Variants in ETV6 observed in about 807,000 individuals in gnomAD.
The protein encoded by ETV6 is ETS variant transcription factor 6.
ETV6 carries 16 observed loss-of-function variants against 51.1 expected under a neutral mutation model. That is an observed-to-expected ratio of 0.31 (90% confidence interval 0.21 to 0.48). The LOEUF (loss-of-function observed/expected upper bound fraction) is 0.48. ETV6 is among the 20% of genes least tolerant of loss of function. The pLI is 0.99. For synonymous variants in ETV6, 240 were observed against 224.1 expected (o/e 1.07, Z -0.64); for missense variants, 458 against 594.8 (o/e 0.77, Z 2.39).
intron 1 of ETV6, among the ~76,000 whole-genome samples, chr12:11,692,316 C>T (rs903332173): frequency 9.2e-5 from 14 of 152,108 alleles, no homozygotes; most frequent in Admixed American, 2.6e-4. Context: ...AAAGCCCTCT[C>T]CAGATGGGGC....
At chr12:11,859,131 T>TCC (rs1946676313) in intron 4 of ETV6, among the ~76,000 whole-genome samples, 1 of 47,200 alleles carries the variant, frequency 2.1e-5, no homozygotes, top group Non-Finnish European at 4.2e-5. Flanking sequence ...TTTTTTTTTT[T>TCC]TTTTTTTTTT....
At chr12:11,747,026 C>G (rs1865921768) in intron 1 of ETV6, among the ~76,000 whole-genome samples, 1 of 152,062 alleles carries the variant, frequency 6.6e-6, no homozygotes, top group African/African-American at 2.4e-5. Context: ...AGAAAGGGCA[C>G]TCCTTAAGAC....
At chr12:11,690,446 C>G (rs1416464347) in intron 1 of ETV6, among the ~76,000 whole-genome samples, 2 of 151,906 alleles carry the variant, frequency 1.3e-5, no homozygotes, top group Non-Finnish European at 2.9e-5. Context: ...TATTTTTATG[C>G]TGGTTGTGAT....
At position 11,728,229 on chromosome 12, in the gene ETV6, G is replaced by A. The variant is rs548395971; in HGVS notation, c.34-24221G>A. On this transcript the variant is annotated intron_variant, in intron 1 of 7. Coordinates refer to ENST00000396373, the MANE Select transcript of ETV6 (RefSeq NM_001987.5). ...AAGCTGGCTGTTTATTCGGCACAGA[G>A]GAGTAAATTACAGGTGGATTATGCA... Among the ~76,000 whole-genome samples, 9 of 152,312 alleles carry A rather than the reference G, an allele frequency of 5.9e-5. 1 individual carries two copies. Among genetic ancestry groups the A allele is most frequent in the African/African-American group, 2.2e-4 (9 of 41,562 alleles).
intron 1 of ETV6, among the ~76,000 whole-genome samples, chr12:11,739,373 C>G (rs563887106): frequency 6.6e-6 from 1 of 152,152 alleles, no homozygotes; most frequent in Non-Finnish European, 1.5e-5. Flanking sequence ...AGGTGCTGCC[C>G]AGGTATCCAA....
intron 2 of ETV6, among the ~76,000 whole-genome samples, chr12:11,770,881 C>T (rs967514443): frequency 1.3e-5 from 2 of 151,294 alleles, no homozygotes; most frequent in African/African-American, 4.9e-5. Flanking sequence ...GCCTGAACAA[C>T]AGAGCAAGAC....
At chr12:11,666,296 C>T (rs1190966183) in intron 1 of ETV6, among the ~76,000 whole-genome samples, 1 of 151,334 alleles carries the variant, frequency 6.6e-6, no homozygotes, top group African/African-American at 2.5e-5. Flanking sequence ...TTGTACAGCC[C>T]ATGTTCTCTC....
chr12:11,894,920 A>G lies in ETV6; in HGVS notation c.*3874A>G, dbSNP rs1378634623. Reference sequence around the variant, plus strand: ...AAAAAGGGGCAGTTTTCTTTGCCCAAGCATTTGGTGCTAGTTAGAGGCTGT... The same window carrying G: ...AAAAAGGGGCAGTTTTCTTTGCCCAGGCATTTGGTGCTAGTTAGAGGCTGT... On this transcript the variant is annotated 3_prime_UTR_variant, in exon 8 of 8. Coordinates refer to ENST00000396373, the MANE Select transcript of ETV6 (RefSeq NM_001987.5). 4.3e-6 allele frequency: 1 copy of G among 233,544 alleles called. No homozygotes were observed. Among genetic ancestry groups the G allele is most frequent in the East Asian group, 6.0e-5 (1 of 16,598 alleles). The allele number at this position is 233,544 out of a possible 1,614,324, so 14.5% of individuals were successfully genotyped here. A position where few individuals can be genotyped will look rare whatever the true frequency, so the allele number is the denominator to read the frequency against.
At chr12:11,865,202 G>A (rs1195951179) in intron 4 of ETV6, among the ~76,000 whole-genome samples, 2 of 141,324 alleles carry the variant, frequency 1.4e-5, no homozygotes, top group East Asian at 4.2e-4. Context: ...AGTGAGCAGA[G>A]ATCACGCCAC....
At chr12:11,683,673 T>C (rs1201827563) in intron 1 of ETV6, among the ~76,000 whole-genome samples, 1 of 152,200 alleles carries the variant, frequency 6.6e-6, no homozygotes, top group Non-Finnish European at 1.5e-5. Flanking sequence ...AGTCTATTTC[T>C]TTCTTTGATT....
chr12:11,809,800 ATAGAGCTTC>A (rs1384441791), intron 2 of ETV6, among the ~76,000 whole-genome samples: 1 of 147,320 alleles, frequency 6.8e-6, no homozygotes, highest in Non-Finnish European at 1.5e-5. Context: ...TGGGGAGGGA[ATAGAGCTTC>A]TGCTTTTTTT....
At chr12:11,885,866 T>G in intron 6 of ETV6, 60 bp from the exon 7 acceptor site, 1 of 1,292,396 alleles carries the variant, frequency 7.7e-7, no homozygotes, top group Non-Finnish European at 1.1e-6. Context: ...GTGCCTTTTC[T>G]GAGGTTCATT....
chr12:11,760,373 TG>T (rs1460132759), intron 2 of ETV6, among the ~76,000 whole-genome samples: 1 of 152,064 alleles, frequency 6.6e-6, no homozygotes, highest in Non-Finnish European at 1.5e-5. Context: ...ACTGTAGATG[TG>T]GGGTGGATGA....
At chr12:11,657,328 A>G (rs910223260) in intron 1 of ETV6, among the ~76,000 whole-genome samples, 4 of 152,218 alleles carry the variant, frequency 2.6e-5, no homozygotes, top group African/African-American at 9.7e-5. Flanking sequence ...ACACCATAGC[A>G]GAGGAAAAAT....
intron 7 of ETV6, among the ~76,000 whole-genome samples, chr12:11,887,209 A>C (rs535228594): frequency 2.0e-5 from 3 of 152,310 alleles, no homozygotes; most frequent in Admixed American, 2.0e-4. Context: ...CCTTCAACCT[A>C]AACGCAGTCC....
At chr12:11,820,678 G>GGGT (rs1946064855) in intron 2 of ETV6, among the ~76,000 whole-genome samples, 1 of 152,110 alleles carries the variant, frequency 6.6e-6, no homozygotes, top group Admixed American at 6.5e-5. Context: ...AGGAGGGAAA[G>GGGT]GATGATGGCA....
intron 1 of ETV6, among the ~76,000 whole-genome samples, chr12:11,667,481 G>A (rs1042064668): frequency 1.1e-4 from 16 of 151,962 alleles, no homozygotes; most frequent in African/African-American, 3.4e-4. Flanking sequence ...GTTCCATGGC[G>A]GATTATGGTC....
In ETV6 at chr12:11,892,134, A is replaced by G. The variant is rs899246563; in HGVS notation, c.*1088A>G. 1.7e-5 allele frequency: 4 copies of G among 231,564 alleles called. No individual in the cohort carries two copies. The highest frequency in any genetic ancestry group is 3.4e-5 in the Non-Finnish European group (4 of 117,520). 14.3% of individuals were successfully genotyped at this position (231,564 alleles called of 1,614,324 possible). On this transcript the variant is annotated 3_prime_UTR_variant, in exon 8 of 8. Coordinates refer to ENST00000396373, the MANE Select transcript of ETV6 (RefSeq NM_001987.5). ...TTTATTTTTCCAAAGCAGGTAACAG[A>G]GGCTAGTGAGAAAGAAAAGCTCCTC...
intron 2 of ETV6, among the ~76,000 whole-genome samples, chr12:11,774,511 T>C (rs1284365880): frequency 6.6e-6 from 1 of 152,224 alleles, no homozygotes; most frequent in African/African-American, 2.4e-5. Flanking sequence ...GGATGTGATA[T>C]AACAAGCATG....
Sources: gnomAD v4.1 joint callset for allele counts (sites outside exome capture counted in the v4.1 genomes callset) on GRCh38, gnomAD v4.1.1 for gene constraint, MANE v1.5 for transcripts, NCBI Gene and HGNC (gene_info 2026-07-23, HGNC 2026-07-21) for gene names.